The following DNAI3 variants were observed in gnomAD, a reference collection of about 807,000 sequenced individuals.
DNAI3 encodes the protein dynein axonemal intermediate chain 3, also known as WD repeat domain 63.
DNAI3 carries 83 observed loss-of-function variants against 115.5 expected under a neutral mutation model. The observed-to-expected ratio is 0.72, with a 90% CI of 0.60 to 0.86. The LOEUF (loss-of-function observed/expected upper bound fraction) is 0.86, where lower values mean the gene tolerates loss of function less well. Among genes scored for constraint, DNAI3 ranks in the 40% least tolerant of loss-of-function variants. The pLI, the probability that DNAI3 is intolerant of heterozygous loss-of-function variation, is 0.00. For synonymous variants in DNAI3, 320 were observed against 347.0 expected (o/e 0.92, Z 0.86); for missense variants, 1,004 against 1,075.8 (o/e 0.93, Z 0.93).
At chr1:85,082,857 G>A (rs1032666220) in intron 5 of DNAI3, among the ~76,000 whole-genome samples, 4 of 152,134 alleles carry the variant, frequency 2.6e-5, no homozygotes, top group East Asian at 1.9e-4. Flanking sequence ...CGTTGACCTC[G>A]TGAGAGAGGA....
chr1:85,125,535 A>ATTT (rs5775824), intron 19 of DNAI3, among the ~76,000 whole-genome samples: 4 of 147,382 alleles, frequency 2.7e-5, no homozygotes, highest in Non-Finnish European at 3.0e-5. Flanking sequence ...TGTATGTTTG[A>ATTT]TTTTTTTTTT....
At position 85,117,799 on chromosome 1, in the gene DNAI3, G is replaced by T. The variant is rs368721093; in HGVS notation, c.1857G>T (p.Gly619=). 6.2e-7 allele frequency: 1 copy of T among 1,613,920 alleles called. No homozygotes were observed. The highest frequency in any genetic ancestry group is 1.1e-5 in the South Asian group (1 of 91,072). The part of the protein sequence containing the change: ...EMNPYHNLES[G]MANLLKPIDD... ...ACCCGTATCATAATCTGGAAAGTGG[G>T]ATGGCCAATCTTCTCAAGCCAATAG... Residue 619 remains glycine (G), a synonymous_variant, in exon 17 of 23, where the codon GGG becomes GGT. Transcript: ENST00000294664.
intron 13 of DNAI3, among the ~76,000 whole-genome samples, chr1:85,099,819 A>C (rs1036710644): frequency 1.3e-5 from 2 of 152,224 alleles, no homozygotes; most frequent in Non-Finnish European, 2.9e-5. Context: ...ATAATGCCGC[A>C]TATCTACAAC....
At chr1:85,127,200 T>C (rs1412384395) in intron 20 of DNAI3, among the ~76,000 whole-genome samples, 1 of 152,214 alleles carries the variant, frequency 6.6e-6, no homozygotes, top group African/African-American at 2.4e-5. Context: ...ATCAAGCAAT[T>C]CTCTTCATAA....
intron 1 of DNAI3, among the ~76,000 whole-genome samples, chr1:85,071,494 A>G (rs551613011): frequency 2.0e-5 from 3 of 152,308 alleles, no homozygotes; most frequent in African/African-American, 7.2e-5. Flanking sequence ...TTATATATGC[A>G]TATGCACACT....
rs190422624 is a variant in DNAI3 at position 85,106,839 on chromosome 1, T to C, written c.1554-1194T>C. Among the ~76,000 whole-genome samples, 14 of 152,278 alleles carry C rather than the reference T, an allele frequency of 9.2e-5. No individual in the cohort carries two copies. In the East Asian group the frequency reaches 2.3e-3, roughly 25 times the overall value. On this transcript the variant is annotated intron_variant, in intron 14 of 22. Transcript: ENST00000294664. The stretch of plus-strand genomic sequence containing the variant: ...GACAACTGGATATCCACGTGCAAAA[T>C]ATAACGTTGGATTCCTATCTCACCC...
At chr1:85,100,725 A>C (rs1655275834) in intron 13 of DNAI3, among the ~76,000 whole-genome samples, 1 of 152,212 alleles carries the variant, frequency 6.6e-6, no homozygotes, top group Non-Finnish European at 1.5e-5. Context: ...AACCAACTCA[A>C]ATGTCCAACA....
In DNAI3 at chr1:85,090,117, A is replaced by T; in HGVS notation, c.742A>T (p.Thr248Ser). 1 of 1,523,610 alleles carries T rather than the reference A, an allele frequency of 6.6e-7. No individual in the cohort carries two copies. The highest frequency in any genetic ancestry group is 8.9e-7 in the Non-Finnish European group (1 of 1,127,918). The allele number at this position is 1,523,610 out of a possible 1,614,324, so 94.4% of individuals were successfully genotyped here. Residue 248 changes from threonine to serine, a missense_variant and splice_region_variant, in exon 8 of 23, where the codon ACA (threonine) becomes TCA (serine). Coordinates refer to ENST00000294664, the MANE Select transcript of DNAI3 (RefSeq NM_145172.5). ...TTGAATTTTCTTTTAATATATTAGG[A>T]CATATCCTAAAAATGCTACTACGCA... ...IKDISTQTKW[T>S]YPKNATTQYY...
intron 22 of DNAI3, among the ~76,000 whole-genome samples, chr1:85,132,614 C>T (rs971317492): frequency 1.3e-5 from 2 of 151,220 alleles, no homozygotes; most frequent in Admixed American, 6.6e-5. Context: ...GGAAGAAGGC[C>T]GGAAAAAGGG....
chr1:85,082,542 C>T, intron 5 of DNAI3, 138 bp downstream of exon 5: 1 of 662,058 alleles, frequency 1.5e-6, no homozygotes, highest in Admixed American at 3.0e-5. Flanking sequence ...TCTCCCAGGC[C>T]CAAGTGATCC....
At chr1:85,122,781 A>G (rs964257540) in intron 18 of DNAI3, among the ~76,000 whole-genome samples, 2 of 152,218 alleles carry the variant, frequency 1.3e-5, no homozygotes, top group Non-Finnish European at 1.5e-5. Context: ...ACATTAGTAT[A>G]AAGTGGCTGG....
At chr1:85,107,476 C>A (rs531051325) in intron 14 of DNAI3, among the ~76,000 whole-genome samples, 1 of 152,240 alleles carries the variant, frequency 6.6e-6, no homozygotes, top group South Asian at 2.1e-4. Flanking sequence ...AGAAAAATGG[C>A]AGTTACAAAA....
chr1:85,109,929 G>C (rs968110484), intron 15 of DNAI3, 119 bp from the exon 16 acceptor site: 1 of 893,048 alleles, frequency 1.1e-6, no homozygotes, highest in Non-Finnish European at 1.7e-6. Flanking sequence ...AGGGAAGGAA[G>C]AAAAAAAAGG....
intron 10 of DNAI3, 83 bp from the exon 11 acceptor site, chr1:85,095,848 T>A: frequency 7.4e-7 from 1 of 1,356,464 alleles, no homozygotes; most frequent in Non-Finnish European, 1.1e-6. Context: ...AAAATTAGAC[T>A]TTTAACTGTC....
chr1:85,113,818 AAC>A (rs1400681443), intron 16 of DNAI3, among the ~76,000 whole-genome samples: 1 of 152,258 alleles, frequency 6.6e-6, no homozygotes, highest in East Asian at 1.9e-4. Flanking sequence ...CTAACCCATA[AAC>A]ACAGTATATC....
chr1:85,131,536 A>G (rs192628624), intron 22 of DNAI3, among the ~76,000 whole-genome samples: 144 of 152,296 alleles, frequency 9.5e-4, no homozygotes, highest in African/African-American at 2.6e-3. Context: ...CTCATTGATA[A>G]ATACTAATTA....
chr1:85,128,858 C>G, intron 21 of DNAI3, 59 bp downstream of exon 21: 1 of 1,475,850 alleles, frequency 6.8e-7, no homozygotes, highest in Non-Finnish European at 9.3e-7. Context: ...TGAGATATGT[C>G]TTTAAAAAAA....
chr1:85,122,334 C>G (rs538895488), intron 18 of DNAI3, among the ~76,000 whole-genome samples: 106 of 152,196 alleles, frequency 7.0e-4, no homozygotes, highest in African/African-American at 2.4e-3. Context: ...ATGTCTGCTG[C>G]TCCCAGGACC....
chr1:85,081,131 A>C, intron 3 of DNAI3, 103 bp from the exon 4 acceptor site: 1 of 957,864 alleles, frequency 1.0e-6, no homozygotes, highest in Non-Finnish European at 1.5e-6. Flanking sequence ...AAGTCTTAAA[A>C]TTTAACCAAG....
Sources: allele counts gnomAD v4.1 joint callset (sites outside exome capture counted in the v4.1 genomes callset), GRCh38; gene constraint gnomAD v4.1.1; transcripts MANE v1.5; gene names NCBI Gene and HGNC (gene_info 2026-07-23, HGNC 2026-07-21).